ANKLE2: variants seen among roughly 807,000 people sequenced by gnomAD.
ANKLE2 encodes the protein ankyrin repeat and LEM domain containing 2.
A neutral mutation model predicts 84.2 loss-of-function variants in ANKLE2; 55 were observed. That is an observed-to-expected ratio of 0.65 (90% CI 0.53 to 0.82). ANKLE2 has a LOEUF of 0.82. Ranked by LOEUF, ANKLE2 falls within the 40% of genes least tolerant of loss-of-function variation. The pLI, the probability that ANKLE2 is intolerant of heterozygous loss-of-function variation, is 0.00. For missense variants in ANKLE2, 1,238 were observed against 1,201.9 expected (o/e 1.03, Z -0.44); for synonymous variants, 551 against 486.1 (o/e 1.13, Z -1.76).
intron 5 of ANKLE2, among the ~76,000 whole-genome samples, chr12:132,747,009 C>A (rs1264719063): frequency 6.6e-6 from 1 of 152,238 alleles, no homozygotes; most frequent in Admixed American, 6.5e-5. Context: ...AGAGCTGTGC[C>A]CGCTTCCCAG....
In ANKLE2 at chr12:132,761,646, C is replaced by A; in HGVS notation, c.153G>T (p.Pro51=). The A allele has an allele frequency of 7.9e-7, 1 of 1,268,334 alleles. No homozygotes were observed. Among genetic ancestry groups the A allele is most frequent in the South Asian group, 2.6e-5 (1 of 38,496 alleles). The allele number at this position is 1,268,334 out of a possible 1,614,324, so 78.6% of individuals were successfully genotyped here. A position where few individuals can be genotyped will look rare whatever the true frequency, so the allele number is the denominator to read the frequency against. ...GLGRSGTPVP[P]PSAAAAPASG... is the part of the protein sequence containing the mutation. ...AGGCGGGGGCGGCGGCCGCGCTTGG[C>A]GGAGGAACTGGGGTCCCGCTGCGGC... Residue 51 remains proline (P), a synonymous_variant, in exon 1 of 13, where the codon CCG becomes CCT. Transcript: ENST00000357997.
intron 8 of ANKLE2, among the ~76,000 whole-genome samples, chr12:132,736,152 G>A (rs1039461349): frequency 3.9e-5 from 6 of 152,084 alleles, no homozygotes; most frequent in Admixed American, 6.5e-5. Context: ...GGGTTTCACC[G>A]TGTTAGCCAG....
chr12:132,736,076 C>T (rs1471606864), intron 8 of ANKLE2, among the ~76,000 whole-genome samples: 4 of 152,276 alleles, frequency 2.6e-5, no homozygotes, highest in South Asian at 2.1e-4. Context: ...CTCAGCCTCC[C>T]GAGTAGCTGG....
intron 7 of ANKLE2, chr12:132,737,358 G>T (rs1459827841): frequency 6.0e-6 from 2 of 335,672 alleles, no homozygotes; most frequent in Non-Finnish European, 1.1e-5. Flanking sequence ...AAAGGACTAA[G>T]GGGTCGGACC....
intron 2 of ANKLE2, among the ~76,000 whole-genome samples, chr12:132,752,062 C>A (rs944651099): frequency 2.0e-5 from 3 of 152,050 alleles, no homozygotes; most frequent in Non-Finnish European, 4.4e-5. Flanking sequence ...AGCCATAGTT[C>A]GGGCACGGTG....
At chr12:132,732,726 G>A (rs1458697022) in intron 10 of ANKLE2, among the ~76,000 whole-genome samples, 24 of 104,680 alleles carry the variant, frequency 2.3e-4, no homozygotes, top group East Asian at 6.5e-4. Context: ...AGCTCTCTGC[G>A]TCCTGGTGTC....
intron 5 of ANKLE2, among the ~76,000 whole-genome samples, chr12:132,747,547 G>T (rs1210464870): frequency 6.6e-6 from 1 of 152,184 alleles, no homozygotes; most frequent in Admixed American, 6.5e-5. Flanking sequence ...AAGGTGTCCT[G>T]TTCGGCAGAG....
At chr12:132,737,182 A>C in intron 7 of ANKLE2, 117 bp from the exon 8 acceptor site, 1 of 1,114,444 alleles carries the variant, frequency 9.0e-7, no homozygotes. Flanking sequence ...TGGATCCAAC[A>C]GACGGGGCAG....
chr12:132,755,130 T>C lies in ANKLE2; in HGVS notation c.185A>G (p.Glu62Gly), dbSNP rs1309513942. 2 of 1,595,760 alleles carry C rather than the reference T, an allele frequency of 1.3e-6. No homozygotes were observed. The highest frequency in any genetic ancestry group is 1.7e-6 in the Non-Finnish European group (2 of 1,175,788). The change falls in exon 2 of 13, where the codon GAA becomes GGA. Residue 62 changes from glutamate (E) to glycine (G), a missense_variant. Glu to Gly is a moderately conservative substitution (Grantham distance 98). This residue lies in a region of ANKLE2 where 422 missense variants were observed against 394.5 expected (regional missense o/e 1.07). Transcript: ENST00000357997. ...PSAAAAPASG[E>G]MTMDALLARL... ...AGCCAACAGAGCATCCATTGTCATT[T>C]CACCTAGGCCCAAGACAAAAAAATC...
Position 132,748,148 on chromosome 12 carries a change from G to A in ANKLE2, c.1031C>T (p.Thr344Ile), listed in dbSNP as rs2044279449. 3 of 1,613,636 alleles carry A rather than the reference G, an allele frequency of 1.9e-6. No individual in the cohort carries two copies. Among genetic ancestry groups the A allele is most frequent in the Non-Finnish European group, 2.5e-6 (3 of 1,179,808 alleles). The change falls in exon 4 of 13, where the codon ACT becomes ATT. Residue 344 changes from threonine to isoleucine, a missense_variant. Thr to Ile is a moderately conservative substitution (Grantham distance 89). This residue lies in a region of ANKLE2 where 802 missense variants were observed against 774.5 expected (regional missense o/e 1.04). Transcript: ENST00000357997. Reference sequence around the variant, plus strand: ...ACCGCCGAGACCTACCTGCACGATAGTGGGGTTGTCTCCTGAGCCTATCAG... The same window carrying A: ...ACCGCCGAGACCTACCTGCACGATAATGGGGTTGTCTCCTGAGCCTATCAG... ...RYLIGSGDNP[T>I]IVQEGCRYNV...
rs566546909 is a variant in ANKLE2 at position 132,737,019 on chromosome 12, T to C, written c.1467A>G (p.Pro489=). The C allele has an allele frequency of 3.1e-6, 5 of 1,612,604 alleles. No homozygotes were observed. The African/African-American group carries it at 6.7e-5, about 21-fold the overall frequency. The change falls in exon 8 of 13, where the codon CCA becomes CCG. Residue 489 remains proline, a synonymous_variant. Transcript: ENST00000357997. Reference sequence around the variant, plus strand: ...CTGGGGACCACAGCTCCCCGATGACTGGAGAAGAAGTCTCTTCCGCTCTCA... The same window carrying C: ...CTGGGGACCACAGCTCCCCGATGACCGGAGAAGAAGTCTCTTCCGCTCTCA... The part of the protein sequence containing the change: ...PLLRAEETSS[P]VIGELWSPDQ...
chr12:132,727,514 T>TGCACTGCTG (rs2043724706), intron 12 of ANKLE2, 71 bp from the exon 13 acceptor site: 1 of 1,526,238 alleles, frequency 6.6e-7, no homozygotes, highest in Non-Finnish European at 8.9e-7. Context: ...AGTCGGAGAA[T>TGCACTGCTG]AATGGCCCCA....
At chr12:132,736,767 G>C (rs1409409437) in intron 8 of ANKLE2, 126 bp downstream of exon 8, 10 of 1,150,744 alleles carry the variant, frequency 8.7e-6, no homozygotes, top group African/African-American at 1.5e-5. Flanking sequence ...TTTGAGATGA[G>C]GACAACCTTG....
At position 132,727,330 on chromosome 12, in the gene ANKLE2, G is replaced by A; in HGVS notation, c.2729C>T (p.Pro910Leu). Residue 910 changes from proline to leucine, a missense_variant, in exon 13 of 13, where the codon CCA becomes CTA. By Grantham distance (98) the Pro-to-Leu change is moderately conservative. Coordinates refer to ENST00000357997, the MANE Select transcript of ANKLE2 (RefSeq NM_015114.3). Reference protein sequence around the residue: ...NSVAGSNPAKPGLGSPGRYSP... With the variant: ...NSVAGSNPAKLGLGSPGRYSP... ...GTAGCGCCCAGGACTGCCCAGGCCT[G>A]GCTTTGCGGGGTTGCTTCCAGCCAC... The A allele has an allele frequency of 6.4e-7, 1 of 1,562,736 alleles. No homozygotes were observed. Among genetic ancestry groups the A allele is most frequent in the Admixed American group, 1.9e-5 (1 of 52,804 alleles).
chr12:132,750,204 C>CAAAA (rs1038591889), intron 3 of ANKLE2, among the ~76,000 whole-genome samples: 7 of 79,386 alleles, frequency 8.8e-5, no homozygotes, highest in African/African-American at 1.6e-4. Flanking sequence ...GACTCCATCT[C>CAAAA]AAAAAAAAAA....
At chr12:132,759,075 TGCGGA>T (rs1566041790) in intron 1 of ANKLE2, 63 of 87,236 alleles carry the variant, frequency 7.2e-4, no homozygotes, top group African/African-American at 2.9e-3. Flanking sequence ...AGAGGATCGC[TGCGGA>T]GTGGCACCCC....
intron 1 of ANKLE2, chr12:132,756,792 G>C (rs1007057386): frequency 6.6e-6 from 1 of 151,494 alleles, no homozygotes; most frequent in Non-Finnish European, 1.5e-5. Context: ...TTAGACAGGC[G>C]CAGTGGCGGG....
chr12:132,727,362 T>A lies in ANKLE2; in HGVS notation c.2697A>T (p.Arg899Ser). 8 of 1,561,736 alleles carry A rather than the reference T, an allele frequency of 5.1e-6. No homozygotes were observed. Among genetic ancestry groups the A allele is most frequent in the Non-Finnish European group, 6.9e-6 (8 of 1,153,048 alleles). Residue 899 changes from arginine to serine, a missense_variant, in exon 13 of 13, where the codon AGA (arginine) becomes AGT (serine). Physicochemically the swap from Arg to Ser is moderately radical, Grantham distance 110 (BLOSUM62 -1). Transcript: ENST00000357997. ...LSGPHSYSPG[R>S]NSVAGSNPAK... ...CGGGGTTGCTTCCAGCCACGCTGTT[T>A]CTCCCCGGACTGTAGCTGTGAGGGC...
chr12:132,739,794 C>T (rs189043571), intron 7 of ANKLE2, among the ~76,000 whole-genome samples: 1 of 152,220 alleles, frequency 6.6e-6, no homozygotes, highest in Non-Finnish European at 1.5e-5. Context: ...ACAACGTGAC[C>T]GAGGCCCCAG....
Sources: gnomAD v4.1 joint callset for allele counts (sites outside exome capture counted in the v4.1 genomes callset) on GRCh38, gnomAD v4.1.1 for gene constraint, gnomAD v4.1.1 regional missense constraint, MANE v1.5 for transcripts, NCBI Gene and HGNC (gene_info 2026-07-23, HGNC 2026-07-21) for gene names.